The following KIAA1328 variants were observed in gnomAD, a reference collection of about 807,000 sequenced individuals.
KIAA1328 encodes KIAA1328, also known as protein hinderin.
KIAA1328 carries 52 observed loss-of-function variants against 68.1 expected under a neutral mutation model. The observed-to-expected ratio is 0.76, with a 90% CI of 0.61 to 0.96. The LOEUF (loss-of-function observed/expected upper bound fraction) is 0.96. KIAA1328 is among the 40% of genes least tolerant of loss of function. The pLI, the probability that KIAA1328 is intolerant of heterozygous loss-of-function variation, is 0.00. For synonymous variants in KIAA1328, 232 were observed against 239.4 expected, an observed-to-expected ratio of 0.97 and a Z score of 0.28; for missense variants, 641 against 677.6, an observed-to-expected ratio of 0.95 and a Z score of 0.60.
intron 4 of KIAA1328, among the ~76,000 whole-genome samples, chr18:36,871,413 T>C (rs1455600756): frequency 6.6e-6 from 1 of 152,168 alleles, no homozygotes; most frequent in Non-Finnish European, 1.5e-5. Flanking sequence ...TTGCTGATGA[T>C]GTTAAACTTG....
At chr18:37,176,367 G>A (rs2059597537) in intron 9 of KIAA1328, among the ~76,000 whole-genome samples, 1 of 152,152 alleles carries the variant, frequency 6.6e-6, no homozygotes, top group African/African-American at 2.4e-5. Flanking sequence ...GGGCACCTTT[G>A]TATGTAGAAA....
intron 7 of KIAA1328, among the ~76,000 whole-genome samples, chr18:37,081,646 C>T (rs762257522): frequency 6.6e-6 from 1 of 152,180 alleles, no homozygotes; most frequent in Non-Finnish European, 1.5e-5. Context: ...GTATTTGAAG[C>T]CTTTTATAAT....
chr18:37,041,630 T>C (rs1321986041), intron 6 of KIAA1328, among the ~76,000 whole-genome samples: 1 of 110,528 alleles, frequency 9.0e-6, no homozygotes, highest in African/African-American at 3.4e-5. Context: ...CCTTACTGCC[T>C]TTTTTGTGTT....
At chr18:37,080,499 G>T (rs762772047) in intron 7 of KIAA1328, among the ~76,000 whole-genome samples, 56 of 152,118 alleles carry the variant, frequency 3.7e-4, no homozygotes, top group Non-Finnish European at 6.9e-4. Context: ...ATGCTGGGCC[G>T]GGCGCGGTGG....
intron 4 of KIAA1328, among the ~76,000 whole-genome samples, chr18:36,881,686 C>G (rs553119958): frequency 2.1e-4 from 32 of 152,284 alleles, no homozygotes; most frequent in African/African-American, 5.3e-4. Context: ...TTCTAGATAT[C>G]TCATAAAAAT....
intron 6 of KIAA1328, among the ~76,000 whole-genome samples, chr18:36,986,514 C>T (rs573281388): frequency 5.6e-4 from 68 of 122,376 alleles, no homozygotes; most frequent in African/African-American, 2.1e-3. Flanking sequence ...AGCTTCTGCA[C>T]AGCAAAAGAA....
intron 4 of KIAA1328, among the ~76,000 whole-genome samples, chr18:36,877,668 T>G (rs1262517727): frequency 1.4e-5 from 2 of 144,986 alleles, no homozygotes; most frequent in Non-Finnish European, 3.0e-5. Flanking sequence ...TGTGTCTTTT[T>G]TTTTTTTTTT....
At chr18:36,880,185 G>A (rs1418466723) in intron 4 of KIAA1328, among the ~76,000 whole-genome samples, 1 of 152,212 alleles carries the variant, frequency 6.6e-6, no homozygotes, top group East Asian at 1.9e-4. Flanking sequence ...CTCCTGATCT[G>A]TGGGTTGTGA....
intron 7 of KIAA1328, among the ~76,000 whole-genome samples, chr18:37,135,108 G>A (rs767043940): frequency 2.6e-4 from 39 of 152,114 alleles, no homozygotes; most frequent in Admixed American, 6.5e-5. Context: ...CCACTGATGG[G>A]CACCTAGGTC....
chr18:36,974,996 C>A (rs975127854), intron 6 of KIAA1328, among the ~76,000 whole-genome samples: 1 of 152,012 alleles, frequency 6.6e-6, no homozygotes, highest in Non-Finnish European at 1.5e-5. Context: ...ATATAAACAG[C>A]CAGATTAGTA....
intron 4 of KIAA1328, among the ~76,000 whole-genome samples, chr18:36,847,644 C>G (rs9807792): frequency 0.032 from 4,799 of 151,510 alleles, 270 homozygotes; most frequent in African/African-American, 0.11. Flanking sequence ...TTTATATATT[C>G]TGTATATGAG....
chr18:36,941,645 GA>G (rs2050717228), intron 5 of KIAA1328, among the ~76,000 whole-genome samples: 1 of 152,118 alleles, frequency 6.6e-6, no homozygotes, highest in Admixed American at 6.5e-5. Context: ...AAATGAGATA[GA>G]AAAAGTCAGT....
rs1444428978 is a variant in KIAA1328 at position 36,885,669 on chromosome 18, G to A, written c.445G>A (p.Glu149Lys). ...GAATGAACTGATCATCAAAGAAAGG[G>A]AAGATATCCTTTTGAAAGTTCTCTT... ...EQNELIIKER[E>K]ALQLQYRECQ... Residue 149 changes from glutamate to lysine, a missense_variant, in exon 5 of 10, where the codon GAA (glutamate) becomes AAA (lysine). By Grantham distance (56) the Glu-to-Lys change is moderately conservative. Coordinates refer to ENST00000280020, the MANE Select transcript of KIAA1328 (RefSeq NM_020776.3). 1.3e-6 allele frequency: 2 copies of A among 1,546,224 alleles called. No homozygotes were observed. Among genetic ancestry groups the A allele is most frequent in the African/African-American group, 2.8e-5 (2 of 72,470 alleles).
At chr18:37,092,930 AATGGG>A (rs1266537232) in intron 7 of KIAA1328, among the ~76,000 whole-genome samples, 1 of 152,142 alleles carries the variant, frequency 6.6e-6, no homozygotes, top group Non-Finnish European at 1.5e-5. Flanking sequence ...TGAATAAATC[AATGGG>A]GAGACTGAGA....
intron 5 of KIAA1328, chr18:36,923,852 T>C (rs1042055356): frequency 3.3e-5 from 5 of 152,242 alleles, no homozygotes; most frequent in African/African-American, 1.2e-4. Context: ...AACATTCACA[T>C]CAACAAAGTT....
Position 36,884,575 on chromosome 18 carries a change from T to C in KIAA1328, c.333-982T>C, listed in dbSNP as rs180881194. 2.3e-3 allele frequency among the ~76,000 whole-genome samples: 349 copies of C among 152,326 alleles called. 2 individuals carry two copies. The highest frequency in any genetic ancestry group is 4.7e-3 in the Admixed American group (72 of 15,298). ...GCAAGAGGAAAACCTATGGGATTCA[T>C]GTTACGCAGAAATTGCTCTAGTAGA... On this transcript the variant is annotated intron_variant, in intron 4 of 9. Transcript: ENST00000280020.
chr18:36,957,276 AG>A (rs1321002766), intron 5 of KIAA1328, among the ~76,000 whole-genome samples: 2 of 152,212 alleles, frequency 1.3e-5, no homozygotes, highest in African/African-American at 2.4e-5. Context: ...CTATTGTAAA[AG>A]TATGTATACA....
chr18:36,864,279 C>T (rs1216499397), intron 4 of KIAA1328, among the ~76,000 whole-genome samples: 2 of 150,530 alleles, frequency 1.3e-5, no homozygotes, highest in Non-Finnish European at 3.0e-5. Flanking sequence ...CCTTGCGTAC[C>T]TGTAGTGCCT....
intron 9 of KIAA1328, among the ~76,000 whole-genome samples, chr18:37,185,825 T>C (rs1004825186): frequency 2.0e-5 from 3 of 152,060 alleles, no homozygotes; most frequent in Admixed American, 6.6e-5. Context: ...AAAAAGACTG[T>C]CTGTTTTTCT....
Sources: gnomAD v4.1 joint callset for allele counts (sites outside exome capture counted in the v4.1 genomes callset) on GRCh38, gnomAD v4.1.1 for gene constraint, MANE v1.5 for transcripts, NCBI Gene and HGNC (gene_info 2026-07-23, HGNC 2026-07-21) for gene names.